The following POU2F3 variants were observed in gnomAD, a reference collection of about 807,000 sequenced individuals.
The protein encoded by POU2F3 is POU class 2 homeobox 3.
POU2F3 carries 23 observed loss-of-function variants against 59.2 expected under a neutral mutation model. That is an observed-to-expected ratio of 0.39 (90% CI 0.28 to 0.55). POU2F3 has a LOEUF of 0.55. Among genes scored for constraint, POU2F3 ranks in the 20% least tolerant of loss-of-function variants. POU2F3 has a pLI of 0.66. For missense variants in POU2F3, 473 were observed against 544.5 expected (o/e 0.87, Z 1.31); for synonymous variants, 190 against 214.6 (o/e 0.89, Z 1.00).
chr11:120,317,085 A>T, intron 11 of POU2F3, 144 bp from the exon 12 acceptor site: 1 of 874,840 alleles, frequency 1.1e-6, no homozygotes, highest in Non-Finnish European at 1.8e-6. Context: ...ATGAGGCAGG[A>T]GGTAGTCAGG....
intron 1 of POU2F3, among the ~76,000 whole-genome samples, chr11:120,244,641 C>A (rs977751339): frequency 6.6e-6 from 1 of 152,328 alleles, no homozygotes; most frequent in Non-Finnish European, 1.5e-5. Flanking sequence ...ACCTTTCCAG[C>A]AGTCTCTGAC....
At chr11:120,300,765 G>GGAA in intron 5 of POU2F3, 1 of 218,918 alleles carries the variant, frequency 4.6e-6, no homozygotes, top group Admixed American at 5.9e-5. Context: ...CTCTGTCTCT[G>GGAA]AAAAAAAAAA....
At chr11:120,246,307 T>G in intron 1 of POU2F3, 142 bp from the exon 2 acceptor site, 1 of 845,632 alleles carries the variant, frequency 1.2e-6, no homozygotes, top group Non-Finnish European at 1.9e-6. Context: ...ATTCTAATGG[T>G]TGTATGTTCG....
upstream of POU2F3, among the ~76,000 whole-genome samples, chr11:120,237,194 C>T (rs7949684): frequency 0.015 from 2,329 of 152,290 alleles, 58 homozygotes; most frequent in African/African-American, 0.053. Flanking sequence ...TCTAAAGTGG[C>T]ACTGACTAAA....
intron 2 of POU2F3, among the ~76,000 whole-genome samples, chr11:120,252,962 C>T (rs1461405681): frequency 3.3e-5 from 5 of 152,208 alleles, no homozygotes; most frequent in South Asian, 2.1e-4. Flanking sequence ...TTCTGTTCAA[C>T]GTAAGAGGGG....
At chr11:120,236,943 T>C (rs1938520254), upstream of POU2F3, among the ~76,000 whole-genome samples, 1 of 152,180 alleles carries the variant, frequency 6.6e-6, no homozygotes, top group Non-Finnish European at 1.5e-5. Context: ...TAAGTCCCCC[T>C]CCTTGTGGGC....
chr11:120,279,293 G>A (rs965281004), intron 3 of POU2F3, among the ~76,000 whole-genome samples: 3 of 152,140 alleles, frequency 2.0e-5, no homozygotes, highest in African/African-American at 7.2e-5. Flanking sequence ...CTCATGTGAA[G>A]ATGAGAACAG....
intron 3 of POU2F3, among the ~76,000 whole-genome samples, chr11:120,295,236 T>C (rs1443997679): frequency 3.3e-5 from 5 of 152,336 alleles, no homozygotes; most frequent in Non-Finnish European, 7.3e-5. Context: ...AGCGCCCAGG[T>C]TGGAGGCAAA....
chr11:120,252,684 C>T (rs547564268), intron 2 of POU2F3, among the ~76,000 whole-genome samples: 4 of 152,288 alleles, frequency 2.6e-5, no homozygotes, highest in Non-Finnish European at 5.9e-5. Context: ...CTCAGAGAAC[C>T]TTATCAAATA....
At chr11:120,291,483 T>C (rs1941017875) in intron 3 of POU2F3, among the ~76,000 whole-genome samples, 1 of 152,254 alleles carries the variant, frequency 6.6e-6, no homozygotes, top group African/African-American at 2.4e-5. Context: ...CCAGTTCTGA[T>C]GGCGAAGGAA....
chr11:120,238,445 G>T (rs931103172), upstream of POU2F3, among the ~76,000 whole-genome samples: 1 of 151,310 alleles, frequency 6.6e-6, no homozygotes, highest in Non-Finnish European at 1.5e-5. Context: ...TGTTCTAGGT[G>T]CTGGGGTGCT....
At chr11:120,287,291 T>C (rs1451909663) in intron 3 of POU2F3, among the ~76,000 whole-genome samples, 7 of 152,212 alleles carry the variant, frequency 4.6e-5, no homozygotes, top group Admixed American at 4.6e-4. Context: ...CAATTTCCTA[T>C]ATGCGAGGAC....
At chr11:120,303,426 G>A (rs1027354726) in intron 6 of POU2F3, 1 of 152,192 alleles carries the variant, frequency 6.6e-6, no homozygotes, top group Non-Finnish European at 1.5e-5. Context: ...GGTCATAAAG[G>A]ATTGGCTTAG....
At chr11:120,263,126 A>G (rs912945333) in intron 2 of POU2F3, among the ~76,000 whole-genome samples, 2 of 151,904 alleles carry the variant, frequency 1.3e-5, no homozygotes, top group African/African-American at 4.8e-5. Context: ...TGAGTAGCTG[A>G]GATTACAGGC....
rs1384486134 is a variant in POU2F3 at position 120,318,719 on chromosome 11, T to C, written c.*327T>C. ...GCAATAGTCTTTCAGAGAAAAGACT[T>C]CTTGCTGTTATTCTCCAACTCATCC... On this transcript the variant is annotated 3_prime_UTR_variant, in exon 13 of 13. Transcript: ENST00000543440. 5 of 293,380 alleles carry C rather than the reference T, an allele frequency of 1.7e-5. No individual in the cohort carries two copies. The highest frequency in any genetic ancestry group is 3.1e-5 in the Non-Finnish European group (5 of 159,612). 18.2% of individuals were successfully genotyped at this position (293,380 alleles called of 1,614,324 possible). A position where few individuals can be genotyped will look rare whatever the true frequency, so the allele number is the denominator to read the frequency against.
intron 6 of POU2F3, 168 bp downstream of exon 6, chr11:120,302,536 G>A (rs1247590701): frequency 3.3e-5 from 20 of 598,944 alleles, no homozygotes; most frequent in Non-Finnish European, 4.8e-5. Flanking sequence ...CAGCAAGTGG[G>A]GGGACAATTT....
intron 2 of POU2F3, among the ~76,000 whole-genome samples, chr11:120,260,716 A>G (rs1939557568): frequency 6.6e-6 from 1 of 152,160 alleles, no homozygotes; most frequent in South Asian, 2.1e-4. Context: ...GAGCAGGGAT[A>G]TGCTGGCGTT....
intron 4 of POU2F3, 137 bp downstream of exon 4, chr11:120,298,527 G>A: frequency 7.9e-7 from 1 of 1,269,710 alleles, no homozygotes; most frequent in Non-Finnish European, 1.1e-6. Flanking sequence ...CTGTGAGTAG[G>A]GTTCTAAAAC....
Position 120,307,518 on chromosome 11 carries a change from C to T in POU2F3, c.809C>T (p.Ser270Phe), listed in dbSNP as rs762994150. 6.2e-7 allele frequency: 1 copy of T among 1,614,188 alleles called. No individual in the cohort carries two copies. Among genetic ancestry groups the T allele is most frequent in the South Asian group, 1.1e-5 (1 of 91,084 alleles). ...PSDPSVSTPS[S>F]YPSLSEVFGR... The stretch of plus-strand genomic sequence containing the variant: ...GACCCCTCAGTGAGCACGCCCAGCT[C>T]CTACCCCAGCCTCAGTGAAGTATTT... Residue 270 changes from serine to phenylalanine, a missense_variant, in exon 9 of 13, where the codon TCC becomes TTC. Ser to Phe is a radical substitution (Grantham distance 155). Coordinates refer to ENST00000543440, the MANE Select transcript of POU2F3 (RefSeq NM_014352.4).
Sources: gnomAD v4.1 joint callset for allele counts (sites outside exome capture counted in the v4.1 genomes callset) on GRCh38, gnomAD v4.1.1 for gene constraint, MANE v1.5 for transcripts, NCBI Gene and HGNC (gene_info 2026-07-23, HGNC 2026-07-21) for gene names.